Variants in ZFPM2 observed in about 807,000 individuals in gnomAD.
ZFPM2 encodes the protein zinc finger protein ZFPM2.
Under a neutral mutation model 98.6 loss-of-function variants are expected in ZFPM2, and 20 were observed. The observed-to-expected ratio is 0.20, with a 90% CI of 0.14 to 0.29. ZFPM2 has a LOEUF of 0.29. Ranked by LOEUF, ZFPM2 falls within the 10% of genes least tolerant of loss-of-function variation. The probability of loss-of-function intolerance (pLI) is 1.00; values close to 1 mark genes in which losing one functional copy is unlikely to be tolerated. For synonymous variants in ZFPM2, 518 were observed against 502.7 expected (o/e 1.03, Z -0.41); for missense variants, 1,310 against 1,388.6 (o/e 0.94, Z 0.90).
Position 105,671,339 on chromosome 8 carries a change from TAAAA to T in ZFPM2, c.532+36986_532+36989del, listed in dbSNP as rs1228448514. Among the ~76,000 whole-genome samples the T allele has an allele frequency of 5.9e-5, 9 of 151,894 alleles. No homozygotes were observed. In the East Asian group the frequency reaches 1.2e-3, roughly 20 times the overall value. On this transcript the variant is annotated intron_variant, in intron 5 of 7. Transcript: ENST00000407775. ...AATTGTCTTCCATTTTATATTTAAA[TAAAA>T]AAATTAATTTTTATTTTGTATTTCC...
intron 3 of ZFPM2, among the ~76,000 whole-genome samples, chr8:105,525,496 A>G (rs1007181401): frequency 2.0e-5 from 3 of 152,212 alleles, no homozygotes; most frequent in African/African-American, 7.2e-5. Flanking sequence ...GATTTGACAG[A>G]AGAGATTTTT....
chr8:105,737,399 G>C (rs1317983534), intron 5 of ZFPM2: 1 of 153,444 alleles, frequency 6.5e-6, no homozygotes, highest in Non-Finnish European at 1.5e-5. Flanking sequence ...TGGTTTCAGA[G>C]AGTTCTGTGG....
intron 1 of ZFPM2, among the ~76,000 whole-genome samples, chr8:105,398,309 T>G (rs1811264282): frequency 6.6e-6 from 1 of 152,202 alleles, no homozygotes; most frequent in Non-Finnish European, 1.5e-5. Context: ...AAACAGATTT[T>G]GAAAAAAAGA....
At chr8:105,610,291 A>G (rs1337320700) in intron 4 of ZFPM2, among the ~76,000 whole-genome samples, 1 of 152,162 alleles carries the variant, frequency 6.6e-6, no homozygotes, top group African/African-American at 2.4e-5. Context: ...CTTGTGATTA[A>G]AAACAGAATA....
At position 105,666,312 on chromosome 8, in the gene ZFPM2, T is replaced by C. The variant is rs529219988; in HGVS notation, c.532+31955T>C. On this transcript the variant is annotated intron_variant, in intron 5 of 7. Transcript: ENST00000407775. ...TCAAGAAAGTACTTGGAGGGCCAAA[T>C]AGCAATTCAGTGTCTGAATTAAAAG... Among the ~76,000 whole-genome samples the C allele has an allele frequency of 1.3e-4, 20 of 152,172 alleles. 1 individual carries two copies. Among genetic ancestry groups the C allele is most frequent in the Non-Finnish European group, 1.9e-4 (13 of 68,030 alleles).
chr8:105,359,112 G>T lies in ZFPM2; in HGVS notation c.40+40131G>T, dbSNP rs1812804915. Among the ~76,000 whole-genome samples the T allele has an allele frequency of 2.6e-5, 4 of 152,190 alleles. No homozygotes were observed. The South Asian group carries it at 8.3e-4, about 32-fold the overall frequency. ...ACTTGGTGGGAGATCATTGGATCAT[G>T]GGGGCAATTTTCCCCATGCTGTTCT... is the stretch of plus-strand genomic sequence containing the variant. On this transcript the variant is annotated intron_variant, in intron 1 of 7. Coordinates refer to ENST00000407775, the MANE Select transcript of ZFPM2 (RefSeq NM_012082.4).
chr8:105,535,800 G>A (rs931894100), intron 3 of ZFPM2, among the ~76,000 whole-genome samples: 1 of 152,166 alleles, frequency 6.6e-6, no homozygotes, highest in Admixed American at 6.5e-5. Context: ...TGGGATGCTA[G>A]AGATTTATGT....
chr8:105,722,884 C>A (rs1811700937), intron 5 of ZFPM2, among the ~76,000 whole-genome samples: 1 of 151,810 alleles, frequency 6.6e-6, no homozygotes, highest in African/African-American at 2.4e-5. Flanking sequence ...TGTATTATAC[C>A]AATCCTTCTT....
intron 4 of ZFPM2, among the ~76,000 whole-genome samples, chr8:105,616,036 G>T (rs1005214482): frequency 2.6e-5 from 4 of 151,830 alleles, no homozygotes; most frequent in Non-Finnish European, 5.9e-5. Flanking sequence ...TTAAATTTAA[G>T]GCTTTTTATA....
chr8:105,359,462 A>G (rs543550469), intron 1 of ZFPM2, among the ~76,000 whole-genome samples: 1 of 146,778 alleles, frequency 6.8e-6, no homozygotes, highest in South Asian at 2.1e-4. Context: ...TGCAACCTCC[A>G]TCTCCCAGGT....
intron 5 of ZFPM2, among the ~76,000 whole-genome samples, chr8:105,651,356 TAC>T: frequency 6.6e-6 from 1 of 151,696 alleles, no homozygotes; most frequent in East Asian, 1.9e-4. Flanking sequence ...TAATCCCAGC[TAC>T]TTAGGAGGCT....
chr8:105,631,005 A>T (rs1333205143), intron 4 of ZFPM2, among the ~76,000 whole-genome samples: 2 of 152,288 alleles, frequency 1.3e-5, no homozygotes, highest in Admixed American at 6.5e-5. Context: ...TTGGAAACAA[A>T]GCTAATATAA....
At chr8:105,343,935 G>A (rs950429645) in intron 1 of ZFPM2, among the ~76,000 whole-genome samples, 3 of 152,056 alleles carry the variant, frequency 2.0e-5, no homozygotes, top group African/African-American at 7.2e-5. Context: ...ATAAAGAAAA[G>A]GAGGTTTAAT....
chr8:105,572,033 CT>C (rs869198147), intron 4 of ZFPM2, among the ~76,000 whole-genome samples: 14,877 of 102,694 alleles, frequency 0.14, 350 homozygotes, highest in East Asian at 0.31. Context: ...GGGTAAATTT[CT>C]TTTTTTTTTT....
At chr8:105,396,919 G>A (rs1444760008) in intron 1 of ZFPM2, among the ~76,000 whole-genome samples, 1 of 152,076 alleles carries the variant, frequency 6.6e-6, no homozygotes, top group African/African-American at 2.4e-5. Context: ...TTTATATATT[G>A]CCAGTAACAT....
chr8:105,339,654 T>C (rs1428104100), intron 1 of ZFPM2, among the ~76,000 whole-genome samples: 1 of 151,852 alleles, frequency 6.6e-6, no homozygotes, highest in Non-Finnish European at 1.5e-5. Context: ...CGCCCAAAAA[T>C]CATGCTAGTA....
chr8:105,458,408 G>A (rs1219760614), intron 3 of ZFPM2, among the ~76,000 whole-genome samples: 2 of 151,670 alleles, frequency 1.3e-5, no homozygotes, highest in East Asian at 1.9e-4. Context: ...CAACTTTACC[G>A]ATGGAATGAA....
At chr8:105,449,394 T>C (rs1344897059) in intron 3 of ZFPM2, among the ~76,000 whole-genome samples, 1 of 152,030 alleles carries the variant, frequency 6.6e-6, no homozygotes, top group South Asian at 2.1e-4. Flanking sequence ...ACACAAACTT[T>C]TCAGGATAAG....
chr8:105,405,721 A>G (rs1008973342), intron 1 of ZFPM2, among the ~76,000 whole-genome samples: 35 of 152,092 alleles, frequency 2.3e-4, no homozygotes, highest in Non-Finnish European at 4.4e-4. Context: ...GCTATTGTGT[A>G]TAGTGCCGCA....
Sources: gnomAD v4.1 joint callset for allele counts (sites outside exome capture counted in the v4.1 genomes callset) on GRCh38, gnomAD v4.1.1 for gene constraint, MANE v1.5 for transcripts, NCBI Gene and HGNC (gene_info 2026-07-23, HGNC 2026-07-21) for gene names.